The following ZNF804A variants were observed in gnomAD, a reference collection of about 807,000 sequenced individuals.
ZNF804A encodes zinc finger protein 804A.
In ZNF804A, 2 loss-of-function variants were observed where a neutral mutation model predicts 16.5. That is an observed-to-expected ratio of 0.12 (90% CI 0.05 to 0.38). ZNF804A has a LOEUF of 0.38. ZNF804A is among the 10% of genes least tolerant of loss of function. The pLI is 0.99. For missense variants in ZNF804A, 1,473 were observed against 1,390.7 expected, an observed-to-expected ratio of 1.06 and a Z score of -0.94; for synonymous variants, 534 against 489.6, an observed-to-expected ratio of 1.09 and a Z score of -1.20.
At chr2:184,807,117 A>G (rs962161880) in intron 1 of ZNF804A, among the ~76,000 whole-genome samples, 2 of 151,872 alleles carry the variant, frequency 1.3e-5, no homozygotes, top group African/African-American at 4.8e-5. Context: ...TAGACTAAAT[A>G]TGTGTATCAG....
Position 184,801,234 on chromosome 2 carries a change from A to G in ZNF804A, c.112-65135A>G, listed in dbSNP as rs141186412. The stretch of plus-strand genomic sequence containing the variant: ...CATCTTTTGACTTTTTTGTGTTTTT[A>G]TATTTCTTCAGCTTGAATATAATAA... On this transcript the variant is annotated intron_variant, in intron 1 of 3. Transcript: ENST00000302277. 4.0e-3 allele frequency among the ~76,000 whole-genome samples: 610 copies of G among 152,080 alleles called. 3 individuals are homozygous for G. The highest frequency in any genetic ancestry group is 0.014 in the African/African-American group (572 of 41,504).
intron 3 of ZNF804A, among the ~76,000 whole-genome samples, chr2:184,934,407 G>A (rs1381570253): frequency 6.6e-6 from 1 of 152,050 alleles, no homozygotes; most frequent in African/African-American, 2.4e-5. Flanking sequence ...TCTTATTATT[G>A]TCTATATCAA....
chr2:184,736,329 GA>G (rs1397601831), intron 1 of ZNF804A, among the ~76,000 whole-genome samples: 2 of 152,082 alleles, frequency 1.3e-5, no homozygotes, highest in African/African-American at 4.8e-5. Flanking sequence ...ATATTTAAAT[GA>G]CCATTATTTT....
In ZNF804A at chr2:184,915,775, A is replaced by T. The variant is rs557927580; in HGVS notation, c.256-17828A>T. On this transcript the variant is annotated intron_variant, in intron 2 of 3. Coordinates refer to ENST00000302277, the MANE Select transcript of ZNF804A (RefSeq NM_194250.2). ...GAGGCCTTGGGGAAAGATATTGTTCAGATCTGATATGTCATTAAGAGATTA... is the reference window on the plus strand; with the variant it reads ...GAGGCCTTGGGGAAAGATATTGTTCTGATCTGATATGTCATTAAGAGATTA... 7.9e-5 allele frequency among the ~76,000 whole-genome samples: 12 copies of T among 152,296 alleles called. No individual in the cohort carries two copies. The South Asian group carries it at 2.5e-3, about 32-fold the overall frequency.
At chr2:184,666,539 A>G (rs1692258607) in intron 1 of ZNF804A, among the ~76,000 whole-genome samples, 1 of 152,064 alleles carries the variant, frequency 6.6e-6, no homozygotes, top group Non-Finnish European at 1.5e-5. Flanking sequence ...TTTAATTATA[A>G]GCTGTAATAG....
intron 1 of ZNF804A, among the ~76,000 whole-genome samples, chr2:184,641,162 C>T (rs1236244511): frequency 6.6e-6 from 1 of 152,044 alleles, no homozygotes; most frequent in African/African-American, 2.4e-5. Context: ...ACTATGTTGA[C>T]CAGGCTGCTC....
intron 1 of ZNF804A, among the ~76,000 whole-genome samples, chr2:184,772,886 G>C (rs1694236799): frequency 7.0e-6 from 1 of 143,454 alleles, no homozygotes; most frequent in Non-Finnish European, 1.5e-5. Context: ...TTACCCTGAG[G>C]GCTACTTTAA....
Position 184,705,262 on chromosome 2 carries a change from T to C in ZNF804A, c.111+106192T>C, listed in dbSNP as rs1693003474. ...AATTTTAAAATAGCCCAGGTGAACA[T>C]AGTGAAGAACTTTATTGACGTAGTG... is the stretch of plus-strand genomic sequence containing the variant. On this transcript the variant is annotated intron_variant, in intron 1 of 3. Coordinates refer to ENST00000302277, the MANE Select transcript of ZNF804A (RefSeq NM_194250.2). 2.0e-5 allele frequency among the ~76,000 whole-genome samples: 3 copies of C among 152,122 alleles called. No individual in the cohort carries two copies. The South Asian group carries it at 6.2e-4, about 31-fold the overall frequency.
At chr2:184,653,215 C>T (rs1293575760) in intron 1 of ZNF804A, among the ~76,000 whole-genome samples, 6 of 152,152 alleles carry the variant, frequency 3.9e-5, no homozygotes, top group African/African-American at 1.4e-4. Flanking sequence ...ATTCAAACAA[C>T]AACCAGGTGT....
intron 1 of ZNF804A, among the ~76,000 whole-genome samples, chr2:184,711,496 A>G (rs937620181): frequency 2.0e-5 from 3 of 151,900 alleles, no homozygotes; most frequent in South Asian, 4.1e-4. Flanking sequence ...GCTGTGCAGA[A>G]GCTTTTAAGT....
chr2:184,792,890 T>C (rs536677006), intron 1 of ZNF804A, among the ~76,000 whole-genome samples: 1 of 152,230 alleles, frequency 6.6e-6, no homozygotes, highest in South Asian at 2.1e-4. Flanking sequence ...GTGAGCATAG[T>C]ACCCAATAGG....
intron 1 of ZNF804A, among the ~76,000 whole-genome samples, chr2:184,793,175 TG>T (rs1481712336): frequency 6.6e-6 from 1 of 152,150 alleles, no homozygotes; most frequent in African/African-American, 2.4e-5. Context: ...AACCTACCAT[TG>T]GTGGGCACCT....
chr2:184,672,916 A>G (rs1453108927), intron 1 of ZNF804A, among the ~76,000 whole-genome samples: 1 of 152,004 alleles, frequency 6.6e-6, no homozygotes, highest in Non-Finnish European at 1.5e-5. Context: ...TAATTTTTGT[A>G]TTTTTAGTAG....
intron 2 of ZNF804A, among the ~76,000 whole-genome samples, chr2:184,930,871 G>A (rs1050286151): frequency 2.6e-5 from 4 of 152,114 alleles, no homozygotes; most frequent in Non-Finnish European, 5.9e-5. Context: ...AGTGGTATTA[G>A]TTCATTCTCA....
chr2:184,620,443 A>T (rs1258554636), intron 1 of ZNF804A, among the ~76,000 whole-genome samples: 1 of 151,832 alleles, frequency 6.6e-6, no homozygotes, highest in Non-Finnish European at 1.5e-5. Flanking sequence ...TTGACATTAG[A>T]TTGGAATCTA....
chr2:184,691,848 T>A (rs1173492275), intron 1 of ZNF804A, among the ~76,000 whole-genome samples: 2 of 152,004 alleles, frequency 1.3e-5, no homozygotes, highest in Non-Finnish European at 2.9e-5. Context: ...GAGAGCACAG[T>A]GATCCCAGAA....
At chr2:184,633,694 A>G (rs984149706) in intron 1 of ZNF804A, among the ~76,000 whole-genome samples, 3 of 152,208 alleles carry the variant, frequency 2.0e-5, no homozygotes, top group South Asian at 2.1e-4. Context: ...AAATAGAATC[A>G]AATCTATACA....
intron 1 of ZNF804A, among the ~76,000 whole-genome samples, chr2:184,614,244 A>G (rs528685138): frequency 1.3e-5 from 2 of 152,362 alleles, no homozygotes; most frequent in Non-Finnish European, 2.9e-5. Context: ...CAGAAAACGG[A>G]AACTGGACCC....
intron 1 of ZNF804A, among the ~76,000 whole-genome samples, chr2:184,714,294 A>G (rs1236078760): frequency 1.3e-5 from 2 of 152,082 alleles, no homozygotes; most frequent in African/African-American, 4.8e-5. Context: ...GAAACAAATT[A>G]CATGCACATG....
Sources: gnomAD v4.1 joint callset for allele counts (sites outside exome capture counted in the v4.1 genomes callset) on GRCh38, gnomAD v4.1.1 for gene constraint, MANE v1.5 for transcripts, NCBI Gene and HGNC (gene_info 2026-07-23, HGNC 2026-07-21) for gene names.